GRM1: variants seen among roughly 807,000 people sequenced by gnomAD.
The protein encoded by GRM1 is glutamate metabotropic receptor 1, also known as metabotropic glutamate receptor 1.
In GRM1, 33 loss-of-function variants were observed where a neutral mutation model predicts 90.9. That is an observed-to-expected ratio of 0.36 (90% CI 0.28 to 0.49). The LOEUF is 0.49. GRM1 is among the 20% of genes least tolerant of loss of function. GRM1 has a pLI of 0.99. For missense variants in GRM1, 1,190 were observed against 1,534.3 expected (o/e 0.78, Z 3.75); for synonymous variants, 700 against 613.2 (o/e 1.14, Z -2.09).
intron 2 of GRM1, among the ~76,000 whole-genome samples, chr6:146,207,620 A>G (rs1186633316): frequency 6.6e-6 from 1 of 152,192 alleles, no homozygotes; most frequent in Non-Finnish European, 1.5e-5. Flanking sequence ...TGGGCAGGAA[A>G]AGCTAGAGAC....
At chr6:146,352,550 C>G in intron 4 of GRM1, 54 bp downstream of exon 4, 1 of 1,566,176 alleles carries the variant, frequency 6.4e-7, no homozygotes, top group East Asian at 2.2e-5. Flanking sequence ...CTGTGCCAGA[C>G]AGATGGCAAC....
intron 5 of GRM1, among the ~76,000 whole-genome samples, chr6:146,369,366 G>A (rs537120735): frequency 6.6e-6 from 1 of 151,548 alleles, no homozygotes; most frequent in African/African-American, 2.4e-5. Flanking sequence ...CTAATTGGGG[G>A]TTTGGTTTGC....
chr6:146,104,130 G>A (rs1484264123), intron 1 of GRM1, among the ~76,000 whole-genome samples: 1 of 152,132 alleles, frequency 6.6e-6, no homozygotes, highest in Non-Finnish European at 1.5e-5. Flanking sequence ...AAATAGTTTG[G>A]GGCCAGAGCT....
intron 1 of GRM1, among the ~76,000 whole-genome samples, chr6:146,067,848 T>C (rs947532270): frequency 6.6e-6 from 1 of 152,180 alleles, no homozygotes; most frequent in Non-Finnish European, 1.5e-5. Context: ...CCAAACCTGA[T>C]AAGTTTATAT....
chr6:146,294,625 G>T (rs1783112386), intron 2 of GRM1, among the ~76,000 whole-genome samples: 1 of 152,052 alleles, frequency 6.6e-6, no homozygotes, highest in South Asian at 2.1e-4. Context: ...AACAAATTTT[G>T]CCAGCTTCTT....
chr6:146,429,067 A>G (rs1205996793), intron 7 of GRM1, among the ~76,000 whole-genome samples: 1 of 152,160 alleles, frequency 6.6e-6, no homozygotes, highest in Non-Finnish European at 1.5e-5. Flanking sequence ...TTGAGGATGT[A>G]GGATGTAATT....
chr6:146,361,163 T>C (rs536478163), intron 5 of GRM1, among the ~76,000 whole-genome samples: 54 of 152,202 alleles, frequency 3.5e-4, no homozygotes, highest in Non-Finnish European at 7.8e-4. Context: ...GGGTCTCCTA[T>C]GGTCTGACCT....
intron 6 of GRM1, among the ~76,000 whole-genome samples, chr6:146,395,162 T>G (rs1309566331): frequency 6.6e-6 from 1 of 152,176 alleles, no homozygotes; most frequent in African/African-American, 2.4e-5. Flanking sequence ...GATCCATAAT[T>G]ATGTTGATTT....
intron 3 of GRM1, among the ~76,000 whole-genome samples, chr6:146,321,195 G>T (rs1784177130): frequency 2.6e-5 from 4 of 152,172 alleles, no homozygotes; most frequent in South Asian, 4.1e-4. Context: ...TGGTTTCAAA[G>T]AACTTATTTA....
chr6:146,206,777 A>G (rs1253945195), intron 2 of GRM1, among the ~76,000 whole-genome samples: 4 of 152,140 alleles, frequency 2.6e-5, no homozygotes, highest in Non-Finnish European at 4.4e-5. Context: ...GTACCCAGTT[A>G]TCTTTTCTGC....
At chr6:146,388,016 C>T (rs1263294785) in intron 6 of GRM1, among the ~76,000 whole-genome samples, 1 of 151,978 alleles carries the variant, frequency 6.6e-6, no homozygotes, top group Non-Finnish European at 1.5e-5. Flanking sequence ...CAATGGAACT[C>T]AGAGGGATTG....
chr6:146,299,542 C>T (rs1298944629), intron 2 of GRM1, among the ~76,000 whole-genome samples: 2 of 152,122 alleles, frequency 1.3e-5, no homozygotes, highest in Admixed American at 1.3e-4. Context: ...ATACATTATC[C>T]AATTCTCCTT....
chr6:146,214,602 G>C (rs1779805651), intron 2 of GRM1, among the ~76,000 whole-genome samples: 1 of 152,180 alleles, frequency 6.6e-6, no homozygotes, highest in South Asian at 2.1e-4. Context: ...TTGTAGGTCA[G>C]AGAACTCATA....
At chr6:146,349,044 C>CTATTAT (rs71028388) in intron 3 of GRM1, among the ~76,000 whole-genome samples, 21,608 of 141,356 alleles carry the variant, frequency 0.15, 1,743 homozygotes, top group East Asian at 0.19. Context: ...GAAGTGGTAG[C>CTATTAT]TATTATTATT....
chr6:146,105,420 T>TGAAA (rs1290806901), intron 1 of GRM1, among the ~76,000 whole-genome samples: 3 of 152,120 alleles, frequency 2.0e-5, no homozygotes, highest in African/African-American at 7.2e-5. Context: ...AACAACCAAA[T>TGAAA]GAAACATTAG....
intron 1 of GRM1, among the ~76,000 whole-genome samples, chr6:146,083,430 T>C (rs1776431959): frequency 6.6e-6 from 1 of 152,168 alleles, no homozygotes; most frequent in South Asian, 2.1e-4. Context: ...TTATTGAGAG[T>C]TTTTAACATG....
chr6:146,350,475 T>A (rs1785364706), intron 3 of GRM1, among the ~76,000 whole-genome samples: 2 of 152,142 alleles, frequency 1.3e-5, no homozygotes, highest in African/African-American at 2.4e-5. Context: ...TGTGTTTTTT[T>A]TTTTCTTTAA....
intron 3 of GRM1, among the ~76,000 whole-genome samples, chr6:146,344,699 CAG>C (rs2115024058): frequency 6.6e-6 from 1 of 152,316 alleles, no homozygotes; most frequent in South Asian, 2.1e-4. Context: ...GACACTGAGA[CAG>C]AGTGTCATTA....
At chr6:146,069,487 G>T (rs550722942) in intron 1 of GRM1, among the ~76,000 whole-genome samples, 1 of 152,204 alleles carries the variant, frequency 6.6e-6, no homozygotes, top group African/African-American at 2.4e-5. Context: ...ATAAGGTTTT[G>T]ATATGTTTGA....
Sources: gnomAD v4.1 joint callset for allele counts (sites outside exome capture counted in the v4.1 genomes callset) on GRCh38, gnomAD v4.1.1 for gene constraint, MANE v1.5 for transcripts, NCBI Gene and HGNC (gene_info 2026-07-23, HGNC 2026-07-21) for gene names.